Variants in L3MBTL1 observed in about 807,000 individuals in gnomAD.
The protein encoded by L3MBTL1 is L3MBTL histone methyl-lysine binding protein 1.
In L3MBTL1, 75 loss-of-function variants were observed where a neutral mutation model predicts 105.3. The ratio of observed to expected loss-of-function variants is 0.71; its 90% CI spans 0.59 to 0.86. L3MBTL1 has a LOEUF of 0.86. Among genes scored for constraint, L3MBTL1 ranks in the 40% least tolerant of loss-of-function variants. The pLI, the probability that L3MBTL1 is intolerant of heterozygous loss-of-function variation, is 0.00. For missense variants in L3MBTL1, 1,069 were observed against 1,126.4 expected (o/e 0.95, Z 0.73); for synonymous variants, 452 against 436.2 (o/e 1.04, Z -0.45).
intron 7 of L3MBTL1, among the ~76,000 whole-genome samples, chr20:43,521,445 G>T (rs949595333): frequency 1.3e-5 from 2 of 152,210 alleles, no homozygotes; most frequent in Non-Finnish European, 2.9e-5. Context: ...TGGTTTCTAG[G>T]TTTGCACCAT....
chr20:43,520,238 T>G (rs748882770), intron 7 of L3MBTL1, among the ~76,000 whole-genome samples: 5 of 152,250 alleles, frequency 3.3e-5, no homozygotes, highest in African/African-American at 7.2e-5. Flanking sequence ...TGTATGTGCT[T>G]CTTTTTATTG....
rs767556225 is a variant in L3MBTL1 at position 43,514,617 on chromosome 20, G to T, written c.361-18G>T. On this transcript the variant is annotated intron_variant, in intron 3 of 21. Transcript: ENST00000418998. ...ACCCGTACGGGAGTCGCAATCCTCA[G>T]ACCCTCCCGCGCTCCAGTTCCGGAT... 9 of 1,598,648 alleles carry T rather than the reference G, an allele frequency of 5.6e-6. No individual in the cohort carries two copies. Among genetic ancestry groups the T allele is most frequent in the Non-Finnish European group, 6.8e-6 (8 of 1,172,470 alleles).
In L3MBTL1 at chr20:43,535,901, C is replaced by T; in HGVS notation, c.1890C>T (p.Pro630=). The T allele has an allele frequency of 6.2e-7, 1 of 1,613,470 alleles. No homozygotes were observed. Among genetic ancestry groups the T allele is most frequent in the Non-Finnish European group, 8.5e-7 (1 of 1,179,730 alleles). ...GCPPLSYRSL[P]HTRTSKYSFH... is the part of the protein sequence containing the mutation. Reference sequence around the variant, plus strand: ...CCCCTCTCAGCTATAGGAGCCTGCCCCACACTAGGACCTCCAAATACAGCT... The same window carrying T: ...CCCCTCTCAGCTATAGGAGCCTGCCTCACACTAGGACCTCCAAATACAGCT... The change falls in exon 17 of 22, where the codon CCC becomes CCT. Residue 630 remains proline, a synonymous_variant. Transcript: ENST00000418998.
intron 7 of L3MBTL1, among the ~76,000 whole-genome samples, chr20:43,528,230 A>G (rs1284317793): frequency 6.6e-6 from 1 of 151,518 alleles, no homozygotes; most frequent in Non-Finnish European, 1.5e-5. Flanking sequence ...ACTTCTTCCT[A>G]TTTTCATGTT....
In L3MBTL1 at chr20:43,540,251, C is replaced by T. The variant is rs1433154563; in HGVS notation, c.2274C>T (p.Leu758=). Residue 758 remains leucine (L), a synonymous_variant, in exon 20 of 22, where the codon CTC becomes CTT. Transcript: ENST00000418998. ...TGTGCTGGGAGCAGCACTGCAAGCT[C>T]CTGCCAGGAGTAGCGGGCATCTCAG... ...LSVCWEQHCK[L]LPGVAGISAS... 2 of 1,613,880 alleles carry T rather than the reference C, an allele frequency of 1.2e-6. No homozygotes were observed. Among genetic ancestry groups the T allele is most frequent in the East Asian group, 2.2e-5 (1 of 44,878 alleles).
chr20:43,520,950 A>T (rs139654678), intron 7 of L3MBTL1, among the ~76,000 whole-genome samples: 1 of 152,202 alleles, frequency 6.6e-6, no homozygotes, highest in Admixed American at 6.5e-5. Context: ...ACATTTTCAA[A>T]AAGGGTCCAT....
intron 8 of L3MBTL1, 47 bp downstream of exon 8, chr20:43,528,792 A>C (rs372401303): frequency 3.5e-6 from 5 of 1,435,922 alleles, no homozygotes; most frequent in Non-Finnish European, 4.9e-6. Context: ...TTCCTAGCCT[A>C]GGGACACACC....
intron 7 of L3MBTL1, among the ~76,000 whole-genome samples, chr20:43,525,826 A>T (rs905357926): frequency 9.9e-5 from 15 of 152,170 alleles, no homozygotes; most frequent in Admixed American, 9.8e-4. Flanking sequence ...ATGTATATGA[A>T]GTCTTTCCGG....
rs61736753 is a variant in L3MBTL1, at chr20:43,540,973, C to G, written c.2434C>G (p.Leu812Val). 14,769 of 1,614,154 alleles carry G rather than the reference C, an allele frequency of 9.1e-3. 830 individuals are homozygous for G. The South Asian group carries it at 0.11, about 12-fold the overall frequency. The stretch of plus-strand genomic sequence containing the variant: ...AGTGACCCATGTATCTGGGAAGACT[C>G]TAGTCTGGACTGTGGCCCAGCTTGG... ...VRVTHVSGKT[L>V]VWTVAQLGDL... The change falls in exon 22 of 22, where the codon CTA (leucine) becomes GTA (valine). Residue 812 changes from leucine to valine, a missense_variant. Coordinates refer to ENST00000418998, the MANE Select transcript of L3MBTL1 (RefSeq NM_001377303.1).
chr20:43,532,871 G>A lies in L3MBTL1; in HGVS notation c.1383G>A (p.Val461=), dbSNP rs1211883876. ...GCGTGGCCAGTGTGACCGATGTGGT[G>A]GACAGCCGCTTCCTGGTGCACTTTG... is the stretch of plus-strand genomic sequence containing the variant. The part of the protein sequence containing the change: ...LVCVASVTDV[V]DSRFLVHFDN... Residue 461 remains valine (V), a synonymous_variant, in exon 12 of 22, where the codon GTG becomes GTA. Coordinates refer to ENST00000418998, the MANE Select transcript of L3MBTL1 (RefSeq NM_001377303.1). 12 of 1,614,152 alleles carry A rather than the reference G, an allele frequency of 7.4e-6. No individual in the cohort carries two copies. The highest frequency in any genetic ancestry group is 1.1e-5 in the South Asian group (1 of 91,084).
intron 7 of L3MBTL1, among the ~76,000 whole-genome samples, chr20:43,517,721 A>G (rs2018475392): frequency 1.3e-5 from 2 of 152,190 alleles, no homozygotes; most frequent in Admixed American, 6.5e-5. Context: ...TAGTTGCCTC[A>G]GTCACTGTCT....
downstream of L3MBTL1, among the ~76,000 whole-genome samples, chr20:43,544,144 C>A (rs529619575): frequency 8.5e-5 from 13 of 152,346 alleles, no homozygotes; most frequent in South Asian, 2.7e-3. Flanking sequence ...TGTTTACTGG[C>A]AGCTTCCTGC....
intron 21 of L3MBTL1, 37 bp downstream of exon 21, chr20:43,540,852 G>GTCACTGTCCT (rs772436670): frequency 1.2e-6 from 2 of 1,613,498 alleles, no homozygotes; most frequent in Non-Finnish European, 1.7e-6. Flanking sequence ...CAGAGCCGGG[G>GTCACTGTCCT]TCACTGTCCT....
intron 7 of L3MBTL1, among the ~76,000 whole-genome samples, chr20:43,525,624 C>T (rs1466233612): frequency 6.6e-6 from 1 of 152,050 alleles, no homozygotes; most frequent in Non-Finnish European, 1.5e-5. Context: ...CATTGTTCAA[C>T]AATAGAAAAA....
In L3MBTL1 at chr20:43,535,931, C is replaced by T. The variant is rs1271055166; in HGVS notation, c.1920C>T (p.His640=). ...PHTRTSKYSF[H]HRKCPTPGCD... ...CTAGGACCTCCAAATACAGCTTTCA[C>T]CACCGGTGAGTGAAGGTTCCTGGTG... Residue 640 remains histidine, a synonymous_variant, in exon 17 of 22, where the codon CAC becomes CAT. Coordinates refer to ENST00000418998, the MANE Select transcript of L3MBTL1 (RefSeq NM_001377303.1). 10 of 1,612,446 alleles carry T rather than the reference C, an allele frequency of 6.2e-6. No individual in the cohort carries two copies. Among genetic ancestry groups the T allele is most frequent in the Non-Finnish European group, 8.5e-6 (10 of 1,178,980 alleles).
intron 19 of L3MBTL1, 39 bp from the exon 20 acceptor site, chr20:43,540,112 A>T (rs763743071): frequency 1.2e-6 from 2 of 1,605,318 alleles, no homozygotes; most frequent in Admixed American, 1.7e-5. Flanking sequence ...CAGTTTAGTC[A>T]TCCTCGTTGG....
intron 19 of L3MBTL1, chr20:43,539,592 G>A (rs952636713): frequency 5.1e-5 from 11 of 214,280 alleles, no homozygotes; most frequent in Non-Finnish European, 8.5e-5. Context: ...AGTACAGACC[G>A]GGCTGGTGGA....
At chr20:43,550,573 G>C (rs1023943029) in exon 19 of L3MBTL1, 2 of 152,242 alleles carry the variant, frequency 1.3e-5, no homozygotes, top group East Asian at 3.8e-4. Context: ...AGAGAGGGGA[G>C]GGAGTTGGCA....
chr20:43,542,386 C>T (rs2019951760), downstream of L3MBTL1, among the ~76,000 whole-genome samples: 1 of 152,046 alleles, frequency 6.6e-6, no homozygotes, highest in African/African-American at 2.4e-5. Flanking sequence ...TGTACGTGTC[C>T]AGAGCTGAAC....
Sources: allele counts gnomAD v4.1 joint callset (sites outside exome capture counted in the v4.1 genomes callset), GRCh38; gene constraint gnomAD v4.1.1; transcripts MANE v1.5; gene names NCBI Gene and HGNC (gene_info 2026-07-23, HGNC 2026-07-21).